Variants in NKD2 observed in about 807,000 individuals in gnomAD.
NKD2 encodes the protein NKD inhibitor of Wnt signaling pathway 2.
A neutral mutation model predicts 34.8 loss-of-function variants in NKD2; 43 were observed. That is an observed-to-expected ratio of 1.24 (90% CI 0.97 to 1.60). The LOEUF (loss-of-function observed/expected upper bound fraction) is 1.60. NKD2 is among the 40% of genes most tolerant of loss of function. NKD2 has a pLI of 0.00. For synonymous variants in NKD2, 278 were observed against 265.1 expected, an observed-to-expected ratio of 1.05 and a Z score of -0.47; for missense variants, 675 against 627.1, an observed-to-expected ratio of 1.08 and a Z score of -0.82.
intron 3 of NKD2, among the ~76,000 whole-genome samples, chr5:1,031,550 G>A (rs1468168534): frequency 8.1e-6 from 1 of 124,086 alleles, no homozygotes; most frequent in South Asian, 2.7e-4. Context: ...ACTGCGCAAG[G>A]CCCCTGCCCT....
intron 3 of NKD2, 148 bp from the exon 4 acceptor site, chr5:1,032,004 G>A (rs1454344471): frequency 3.0e-6 from 2 of 674,200 alleles, no homozygotes; most frequent in African/African-American, 1.8e-5. Flanking sequence ...GGGCACGAAG[G>A]GTTGGTGTTT....
intron 3 of NKD2, among the ~76,000 whole-genome samples, chr5:1,030,544 T>A (rs1189659413): frequency 6.6e-6 from 1 of 152,102 alleles, no homozygotes; most frequent in Non-Finnish European, 1.5e-5. Context: ...ATTCTGATTT[T>A]GAAATAAATA....
In NKD2 at chr5:1,032,138, C is replaced by A; in HGVS notation, c.142-14C>A. 1 of 1,610,272 alleles carries A rather than the reference C, an allele frequency of 6.2e-7. No individual in the cohort carries two copies. The highest frequency in any genetic ancestry group is 8.5e-7 in the Non-Finnish European group (1 of 1,178,138). On this transcript the variant is annotated splice_polypyrimidine_tract_variant and intron_variant, in intron 3 of 9. Transcript: ENST00000296849. Reference sequence around the variant, plus strand: ...TGAGCTATGTGGCCACTGACTGCCCCGTTCTTCCTGCAGGAGCTGCCCAAT... The same window carrying A: ...TGAGCTATGTGGCCACTGACTGCCCAGTTCTTCCTGCAGGAGCTGCCCAAT...
chr5:1,009,004 T>C lies in NKD2; in HGVS notation c.-54T>C. The stretch of plus-strand genomic sequence containing the variant: ...CCCCCGCGGGCTCCCGGCCCCGGCT[T>C]CAGAACTCAGCCCTGCACCTGAGCG... On this transcript the variant is annotated 5_prime_UTR_variant, in exon 1 of 10. Transcript: ENST00000296849. The surrounding 1 kb of genome is among the most constrained non-coding windows in gnomAD (Gnocchi z 6.9). 2.4e-6 allele frequency: 1 copy of C among 422,018 alleles called. No individual in the cohort carries two copies. The highest frequency in any genetic ancestry group is 4.1e-6 in the Non-Finnish European group (1 of 241,262). 26.1% of individuals were successfully genotyped at this position (422,018 alleles called of 1,614,324 possible).
chr5:1,034,725 C>T (rs1354231211), intron 6 of NKD2, 31 bp from the exon 7 acceptor site: 1 of 1,600,226 alleles, frequency 6.2e-7, no homozygotes, highest in Admixed American at 1.7e-5. Flanking sequence ...CTGGGGTCTG[C>T]TCTGTCAGTG....
At position 1,026,419 on chromosome 5, in the gene NKD2, T is replaced by C. The variant is rs774939545; in HGVS notation, c.142-5733T>C. ...CCACCCGCTGTGGGCGTCCCAGCCC[T>C]TTTTCCCTGCTCTTCCCACCCTCTG... On this transcript the variant is annotated intron_variant, in intron 3 of 9. Coordinates refer to ENST00000296849, the MANE Select transcript of NKD2 (RefSeq NM_033120.4). Among the ~76,000 whole-genome samples the C allele has an allele frequency of 2.9e-5, 2 of 69,562 alleles. 1 individual carries two copies. The highest frequency in any genetic ancestry group is 1.1e-4 in the African/African-American group (2 of 17,450). The allele number at this position is 69,562 out of a possible 152,430, so 45.6% of individuals were successfully genotyped here. A position where few individuals can be genotyped will look rare whatever the true frequency, so the allele number is the denominator to read the frequency against.
chr5:1,018,394 C>T (rs960585068), intron 3 of NKD2, among the ~76,000 whole-genome samples: 15 of 152,246 alleles, frequency 9.9e-5, no homozygotes, highest in African/African-American at 3.1e-4. Context: ...CTGGCCCTTC[C>T]TCTCCTCCCA....
At chr5:1,031,832 A>T (rs1756655852) in intron 3 of NKD2, among the ~76,000 whole-genome samples, 1 of 151,998 alleles carries the variant, frequency 6.6e-6, no homozygotes, top group Admixed American at 6.5e-5. Flanking sequence ...TCTTGCATTT[A>T]GGGTAATCCA....
chr5:1,031,681 G>A (rs769150729), intron 3 of NKD2, among the ~76,000 whole-genome samples: 3 of 152,294 alleles, frequency 2.0e-5, no homozygotes, highest in African/African-American at 4.8e-5. Flanking sequence ...CCCATTTTCC[G>A]TAACTGGTCT....
chr5:1,034,658 C>T, intron 6 of NKD2, 98 bp from the exon 7 acceptor site: 2 of 1,255,240 alleles, frequency 1.6e-6, no homozygotes, highest in African/African-American at 1.5e-5. Flanking sequence ...GCAAGGATGG[C>T]ATAGGAAGGG....
chr5:1,019,309 T>C (rs1756081160), intron 3 of NKD2, among the ~76,000 whole-genome samples: 1 of 152,108 alleles, frequency 6.6e-6, no homozygotes, highest in Non-Finnish European at 1.5e-5. Context: ...GAGACGAGAT[T>C]GTGTGTCCCG....
chr5:1,013,061 C>T (rs535616019), intron 3 of NKD2, among the ~76,000 whole-genome samples: 2 of 152,322 alleles, frequency 1.3e-5, no homozygotes, highest in Admixed American at 1.3e-4. Flanking sequence ...CTGCTTGGTG[C>T]TCGGCCACGT....
intron 4 of NKD2, among the ~76,000 whole-genome samples, chr5:1,032,526 G>C (rs1756685802): frequency 6.6e-6 from 1 of 152,254 alleles, no homozygotes; most frequent in Non-Finnish European, 1.5e-5. Flanking sequence ...AAGGGGACCT[G>C]TGAATTTTCA....
chr5:1,009,133 G>A lies in NKD2; in HGVS notation c.26-46G>A. On this transcript the variant is annotated intron_variant, in intron 1 of 9. Coordinates refer to ENST00000296849, the MANE Select transcript of NKD2 (RefSeq NM_033120.4). This position sits in a 1 kb window ranked among gnomAD's most constrained non-coding sequence, Gnocchi z 6.9. ...AGGGCGGGCGGGCGGGCGTGGGGCCGCCTCTCACTGTCGTTTTCCTCTCCC... is the reference window on the plus strand; with the variant it reads ...AGGGCGGGCGGGCGGGCGTGGGGCCACCTCTCACTGTCGTTTTCCTCTCCC... The A allele has an allele frequency of 7.7e-6, 4 of 516,572 alleles. No homozygotes were observed. Among genetic ancestry groups the A allele is most frequent in the East Asian group, 7.1e-5 (2 of 28,158 alleles). 32.0% of individuals were successfully genotyped at this position (516,572 alleles called of 1,614,324 possible).
At chr5:1,035,214 A>G (rs201290712) in intron 7 of NKD2, among the ~76,000 whole-genome samples, 175 bp from the exon 8 acceptor site, 2 of 152,158 alleles carry the variant, frequency 1.3e-5, no homozygotes, top group East Asian at 3.8e-4. Context: ...GAGTTAATGA[A>G]TGAGTGAACG....
chr5:1,016,326 T>A lies in NKD2; in HGVS notation c.141+6766T>A, dbSNP rs981732326. ...GGCAAATACTTGGCAGGGCACCCTTTGGCAGCCTTTCACGCTGGCGTGAAA... is the reference window on the plus strand; with the variant it reads ...GGCAAATACTTGGCAGGGCACCCTTAGGCAGCCTTTCACGCTGGCGTGAAA... On this transcript the variant is annotated intron_variant, in intron 3 of 9. Transcript: ENST00000296849. Among the ~76,000 whole-genome samples the A allele has an allele frequency of 5.3e-5, 8 of 152,374 alleles. No homozygotes were observed. In the East Asian group the frequency reaches 1.5e-3, roughly 29 times the overall value.
At chr5:1,021,518 C>T (rs1262159729) in intron 3 of NKD2, among the ~76,000 whole-genome samples, 3 of 151,292 alleles carry the variant, frequency 2.0e-5, no homozygotes, top group African/African-American at 7.3e-5. Context: ...CTGGAAGGAA[C>T]TGGCGCACAG....
In NKD2 at chr5:1,009,448, C is replaced by T. The variant is rs1007062528; in HGVS notation, c.62-33C>T. On this transcript the variant is annotated intron_variant, in intron 2 of 9. Coordinates refer to ENST00000296849, the MANE Select transcript of NKD2 (RefSeq NM_033120.4). This position sits in a 1 kb window ranked among gnomAD's most constrained non-coding sequence, Gnocchi z 6.9. ...GGCGCGTCTCTTTCCCTCCTCGGTG[C>T]GGGTTTCCCGCGCGTCCGCCCCCGG... The T allele has an allele frequency of 2.9e-5, 43 of 1,481,840 alleles. No homozygotes were observed. The highest frequency in any genetic ancestry group is 5.0e-5 in the South Asian group (4 of 79,722). The allele number at this position is 1,481,840 out of a possible 1,614,324, so 91.8% of individuals were successfully genotyped here. A position where few individuals can be genotyped will look rare whatever the true frequency, so the allele number is the denominator to read the frequency against.
intron 8 of NKD2, 50 bp downstream of exon 8, chr5:1,035,523 T>A: frequency 7.1e-7 from 1 of 1,413,474 alleles, no homozygotes; most frequent in South Asian, 1.2e-5. Flanking sequence ...GGGGGCACCC[T>A]GGCCACACCC....
Sources: gnomAD v4.1 joint callset for allele counts (sites outside exome capture counted in the v4.1 genomes callset) on GRCh38, gnomAD v4.1.1 for gene constraint, Gnocchi (gnomAD v3.1) non-coding constraint, MANE v1.5 for transcripts, NCBI Gene and HGNC (gene_info 2026-07-23, HGNC 2026-07-21) for gene names.